The following ARHGEF11 variants were observed in gnomAD, a reference collection of about 807,000 sequenced individuals.
ARHGEF11 encodes the protein Rho guanine exchange factor (GEF) 11.
In ARHGEF11, 55 loss-of-function variants were observed where a neutral mutation model predicts 193.7. The ratio of observed to expected loss-of-function variants is 0.28; its 90% confidence interval spans 0.23 to 0.36. ARHGEF11 has a LOEUF of 0.36. Among genes scored for constraint, ARHGEF11 ranks in the 10% least tolerant of loss-of-function variants. The pLI is 1.00. For synonymous variants in ARHGEF11, 693 were observed against 768.0 expected, an observed-to-expected ratio of 0.90 and a Z score of 1.62; for missense variants, 1,723 against 2,005.6, an observed-to-expected ratio of 0.86 and a Z score of 2.69.
At chr1:157,040,406 A>G (rs77553347) in intron 1 of ARHGEF11, among the ~76,000 whole-genome samples, 1,945 of 152,338 alleles carry the variant, frequency 0.013, 38 homozygotes, top group African/African-American at 0.044. Flanking sequence ...TGCTGGGTCT[A>G]GATTTATTTT....
intron 1 of ARHGEF11, among the ~76,000 whole-genome samples, chr1:156,990,338 G>A (rs1034516903): frequency 5.3e-5 from 8 of 152,218 alleles, no homozygotes; most frequent in South Asian, 4.1e-4. Context: ...TTTTGGTGAC[G>A]GTAGGTTTGA....
rs1267307725 is a variant in ARHGEF11, at chr1:156,974,794, T to C, written c.582+2189A>G. On this transcript the variant is annotated intron_variant, in intron 7 of 40. Coordinates refer to ENST00000368194, the MANE Select transcript of ARHGEF11 (RefSeq NM_198236.3). Reference sequence around the variant, plus strand: ...ATTTTTGTGTCTGGCTTCTCTCACCTGGCATAGTGTTTTCAGGGTTCTTCC... The same window carrying C: ...ATTTTTGTGTCTGGCTTCTCTCACCCGGCATAGTGTTTTCAGGGTTCTTCC... 6.6e-5 allele frequency among the ~76,000 whole-genome samples: 10 copies of C among 152,372 alleles called. No individual in the cohort carries two copies. In the South Asian group the frequency reaches 8.3e-4, roughly 13 times the overall value.
intron 1 of ARHGEF11, among the ~76,000 whole-genome samples, chr1:156,998,468 T>C (rs189122241): frequency 3.3e-5 from 5 of 152,362 alleles, no homozygotes; most frequent in Non-Finnish European, 7.3e-5. Flanking sequence ...TCTATGGGAC[T>C]GAGAGCAAAC....
intron 14 of ARHGEF11, among the ~76,000 whole-genome samples, chr1:156,960,951 C>T: frequency 6.6e-6 from 1 of 152,202 alleles, no homozygotes; most frequent in East Asian, 1.9e-4. Flanking sequence ...TAACAACCAA[C>T]AGAGAACAAC....
At chr1:156,999,967 C>T (rs192069370) in intron 1 of ARHGEF11, among the ~76,000 whole-genome samples, 2,154 of 152,282 alleles carry the variant, frequency 0.014, 25 homozygotes, top group South Asian at 0.039. Flanking sequence ...ACAAGAGTAT[C>T]TTTTTAAAAT....
Position 157,044,434 on chromosome 1 carries a change from A to G in ARHGEF11, c.-104T>C. On this transcript the variant is annotated 5_prime_UTR_variant, in exon 1 of 41. Transcript: ENST00000368194. The stretch of plus-strand genomic sequence containing the variant: ...AGCAAGGTGAGAGGAGGGCCTCCCA[A>G]CTTGAAGATAGAATCCTTTCTCCTC... 9.7e-7 allele frequency: 1 copy of G among 1,035,472 alleles called. No individual in the cohort carries two copies. Among genetic ancestry groups the G allele is most frequent in the South Asian group, 1.3e-5 (1 of 79,362 alleles). The allele number at this position is 1,035,472 out of a possible 1,614,324, so 64.1% of individuals were successfully genotyped here. A position where few individuals can be genotyped will look rare whatever the true frequency, so the allele number is the denominator to read the frequency against.
At position 156,947,248 on chromosome 1, in the gene ARHGEF11, G is replaced by T. The variant is rs183351799; in HGVS notation, c.2488+56C>A. 232 of 1,559,886 alleles carry T rather than the reference G, an allele frequency of 1.5e-4. 1 individual carries two copies. The East Asian group carries it at 5.0e-3, about 34-fold the overall frequency. Reference sequence around the variant, plus strand: ...AGGTCCTGGCAGTGGGGCCAAAGTGGAACAGGAAGCTGAAGGGCAGCAGAA... The same window carrying T: ...AGGTCCTGGCAGTGGGGCCAAAGTGTAACAGGAAGCTGAAGGGCAGCAGAA... On this transcript the variant is annotated intron_variant, in intron 26 of 40. Coordinates refer to ENST00000368194, the MANE Select transcript of ARHGEF11 (RefSeq NM_198236.3).
chr1:156,984,247 C>A, intron 3 of ARHGEF11, 92 bp downstream of exon 3: 1 of 1,031,798 alleles, frequency 9.7e-7, no homozygotes, highest in Non-Finnish European at 1.4e-6. Flanking sequence ...TCATTCATGC[C>A]CCACAGGAAA....
intron 20 of ARHGEF11, 23 bp from the exon 21 acceptor site, chr1:156,954,944 C>G: frequency 6.3e-7 from 1 of 1,592,644 alleles, no homozygotes; most frequent in African/African-American, 1.4e-5. Flanking sequence ...CAAACAAAAA[C>G]AAAAGTAAAC....
intron 1 of ARHGEF11, among the ~76,000 whole-genome samples, chr1:157,022,427 T>C (rs960026425): frequency 2.0e-5 from 3 of 152,118 alleles, no homozygotes; most frequent in Non-Finnish European, 4.4e-5. Context: ...CCATTCACAA[T>C]AGCATTAAAG....
chr1:156,990,290 G>C (rs1035682749), intron 1 of ARHGEF11, among the ~76,000 whole-genome samples: 8 of 152,164 alleles, frequency 5.3e-5, no homozygotes, highest in Non-Finnish European at 1.0e-4. Context: ...ACATTTTTAA[G>C]AGACTATTAT....
At chr1:156,962,747 C>T (rs1215587157) in intron 13 of ARHGEF11, among the ~76,000 whole-genome samples, 5 of 151,922 alleles carry the variant, frequency 3.3e-5, no homozygotes, top group Middle Eastern at 3.4e-3. Flanking sequence ...GGCATGGTGA[C>T]GGGCGCCTGT....
At chr1:156,994,658 G>T (rs1666235404) in intron 1 of ARHGEF11, among the ~76,000 whole-genome samples, 1 of 152,182 alleles carries the variant, frequency 6.6e-6, no homozygotes, top group South Asian at 2.1e-4. Context: ...TGTTGAGAAG[G>T]TTGGTTAGCT....
At chr1:157,038,109 C>T (rs528862636) in intron 1 of ARHGEF11, among the ~76,000 whole-genome samples, 2 of 149,612 alleles carry the variant, frequency 1.3e-5, no homozygotes, top group African/African-American at 4.9e-5. Flanking sequence ...GAGAACTGCA[C>T]TGAGCCATCT....
At chr1:157,015,973 A>G (rs1301357763) in intron 1 of ARHGEF11, among the ~76,000 whole-genome samples, 2 of 152,222 alleles carry the variant, frequency 1.3e-5, no homozygotes, top group African/African-American at 4.8e-5. Context: ...GAGTGATGTG[A>G]TGACTACTGC....
intron 3 of ARHGEF11, among the ~76,000 whole-genome samples, chr1:156,981,900 G>A (rs149662049): frequency 8.8e-4 from 134 of 152,272 alleles, no homozygotes; most frequent in African/African-American, 3.2e-3. Context: ...TTGCCCCAAC[G>A]TGATCATTAA....
At position 156,946,681 on chromosome 1, in the gene ARHGEF11, C is replaced by T. The variant is rs1336270326; in HGVS notation, c.2675G>A (p.Arg892Gln). The T allele has an allele frequency of 3.1e-6, 5 of 1,614,054 alleles. No individual in the cohort carries two copies. The highest frequency in any genetic ancestry group is 2.7e-5 in the African/African-American group (2 of 74,940). Residue 892 changes from arginine to glutamine, a missense_variant, in exon 28 of 41, where the codon CGA (arginine) becomes CAA (glutamine). Coordinates refer to ENST00000368194, the MANE Select transcript of ARHGEF11 (RefSeq NM_198236.3). ...ACGCACCTGCATGAAGAGCTGGAAT[C>T]GACTCTCCTTGCGTTGCTTGGTCTT... ...LIKTKQRKESRFQLFMQEAES... is the reference protein window; with the variant it reads ...LIKTKQRKESQFQLFMQEAES...
At chr1:157,032,060 T>C (rs1173266031) in intron 1 of ARHGEF11, among the ~76,000 whole-genome samples, 1 of 152,212 alleles carries the variant, frequency 6.6e-6, no homozygotes, top group African/African-American at 2.4e-5. Flanking sequence ...AGCTTTGACA[T>C]TTCTCTTATG....
chr1:156,939,307 T>TG, intron 37 of ARHGEF11: 1 of 569,876 alleles, frequency 1.8e-6, no homozygotes, highest in Non-Finnish European at 3.1e-6. Context: ...AGTTCAGAGA[T>TG]GATTCAGAAT....
Sources: allele counts gnomAD v4.1 joint callset (sites outside exome capture counted in the v4.1 genomes callset), GRCh38; gene constraint gnomAD v4.1.1; transcripts MANE v1.5; gene names NCBI Gene and HGNC (gene_info 2026-07-23, HGNC 2026-07-21).